Variants in MTA3 observed in about 807,000 individuals in gnomAD.
MTA3 encodes metastasis associated 1 family member 3.
MTA3 carries 34 observed loss-of-function variants against 83.5 expected under a neutral mutation model. The ratio of observed to expected loss-of-function variants is 0.41; its 90% CI spans 0.31 to 0.54. MTA3 has a LOEUF of 0.54. Ranked by LOEUF, MTA3 falls within the 20% of genes least tolerant of loss-of-function variation. MTA3 has a pLI of 0.33. For synonymous variants in MTA3, 303 were observed against 252.7 expected (o/e 1.20, Z -1.89); for missense variants, 761 against 726.4 (o/e 1.05, Z -0.55).
At chr2:42,644,338 CAA>C (rs1247633976) in intron 6 of MTA3, 94 bp downstream of exon 6, 2 of 739,094 alleles carry the variant, frequency 2.7e-6, no homozygotes, top group Non-Finnish European at 4.4e-6. Flanking sequence ...ATGTTCAGGG[CAA>C]AGTCTAAAAG....
chr2:42,581,954 G>A (rs912899134), intron 3 of MTA3: 11 of 155,336 alleles, frequency 7.1e-5, no homozygotes, highest in Non-Finnish European at 1.4e-4. Context: ...TAGTAGAGAC[G>A]GGGTAGGCTG....
chr2:42,627,725 A>ATTTTTT (rs869227831), intron 4 of MTA3, among the ~76,000 whole-genome samples: 275 of 103,052 alleles, frequency 2.7e-3, no homozygotes, highest in Middle Eastern at 6.5e-3. Flanking sequence ...GCCTGGCTAA[A>ATTTTTT]TTTTTTTTTT....
intron 2 of MTA3, among the ~76,000 whole-genome samples, chr2:42,561,027 G>T (rs1677650654): frequency 6.6e-6 from 1 of 152,082 alleles, no homozygotes; most frequent in African/African-American, 2.4e-5. Flanking sequence ...GTCCCTATGG[G>T]ATCCTGACCC....
At chr2:42,647,882 A>T (rs764353248) in intron 6 of MTA3, among the ~76,000 whole-genome samples, 1 of 152,204 alleles carries the variant, frequency 6.6e-6, no homozygotes, top group African/African-American at 2.4e-5. Context: ...CTTGTTGCCC[A>T]GGCTGGAGTG....
At chr2:42,576,866 C>T (rs934122186) in intron 2 of MTA3, among the ~76,000 whole-genome samples, 4 of 151,182 alleles carry the variant, frequency 2.6e-5, no homozygotes, top group Non-Finnish European at 5.9e-5. Context: ...CATTGCACTC[C>T]AGCCTGGGCA....
intron 9 of MTA3, 123 bp from the exon 10 acceptor site, chr2:42,695,634 CAAAAAAAA>C (rs70963347): frequency 1.1e-4 from 14 of 130,792 alleles, no homozygotes; most frequent in Admixed American, 4.6e-4. Flanking sequence ...CAGTCTATCT[CAAAAAAAA>C]AAAAAAAAAA....
chr2:42,613,701 C>G (rs1333893758), intron 4 of MTA3: 1 of 152,168 alleles, frequency 6.6e-6, no homozygotes, highest in Non-Finnish European at 1.5e-5. Context: ...CTGAGGCATT[C>G]TTGAGTTGCT....
At chr2:42,751,447 T>C (rs1669865067) in intron 16 of MTA3, among the ~76,000 whole-genome samples, 1 of 152,238 alleles carries the variant, frequency 6.6e-6, no homozygotes, top group Non-Finnish European at 1.5e-5. Flanking sequence ...GCTGAGTCTC[T>C]GTATCTGGCT....
At chr2:42,665,748 A>G (rs1419457729) in intron 8 of MTA3, among the ~76,000 whole-genome samples, 1 of 152,208 alleles carries the variant, frequency 6.6e-6, no homozygotes, top group Non-Finnish European at 1.5e-5. Flanking sequence ...TTTTTGAGTT[A>G]GTTTGGAGCC....
intron 15 of MTA3, among the ~76,000 whole-genome samples, chr2:42,721,165 T>C (rs977295845): frequency 4.6e-5 from 7 of 151,940 alleles, no homozygotes; most frequent in African/African-American, 1.5e-4. Context: ...CTAAGTGATT[T>C]GGGGAACACC....
At chr2:42,536,836 G>A (rs1676262514) in intron 2 of MTA3, among the ~76,000 whole-genome samples, 1 of 124,318 alleles carries the variant, frequency 8.0e-6, no homozygotes, top group African/African-American at 3.3e-5. Context: ...TCCAGCCTGG[G>A]CAACAGAGTG....
chr2:42,634,142 A>C (rs79832969), intron 4 of MTA3, among the ~76,000 whole-genome samples: 1,659 of 152,268 alleles, frequency 0.011, 26 homozygotes, highest in African/African-American at 0.033. Context: ...GACAGCCTCC[A>C]CAACAAAAAA....
At chr2:42,496,480 C>T (rs1224860052) in intron 2 of MTA3, among the ~76,000 whole-genome samples, 4 of 151,964 alleles carry the variant, frequency 2.6e-5, no homozygotes, top group Admixed American at 2.6e-4. Context: ...GTATTACATC[C>T]AGATTCTCTC....
rs1674216185 is a variant in MTA3, at chr2:42,497,854, C to T, written c.-141+2600C>T. Among the ~76,000 whole-genome samples the T allele has an allele frequency of 2.0e-5, 3 of 152,200 alleles. No homozygotes were observed. The South Asian group carries it at 6.2e-4, about 31-fold the overall frequency. On this transcript the variant is annotated intron_variant, in intron 2 of 17. Transcript: ENST00000405592. ...CTTCCTTTAGCCCAAATCAGCCATG[C>T]TCATTTCTCATTCCTGGGTTCTAAA... is the stretch of plus-strand genomic sequence containing the variant.
intron 2 of MTA3, among the ~76,000 whole-genome samples, chr2:42,546,466 C>T (rs780736519): frequency 6.6e-6 from 1 of 151,766 alleles, no homozygotes; most frequent in Non-Finnish European, 1.5e-5. Flanking sequence ...GGTGGTCATC[C>T]CCTGCCATCT....
chr2:42,616,535 C>G (rs1201456087), intron 4 of MTA3, among the ~76,000 whole-genome samples: 1 of 146,882 alleles, frequency 6.8e-6, no homozygotes, highest in Non-Finnish European at 1.5e-5. Context: ...AGGAAATAAG[C>G]CATTCACAGA....
At chr2:42,555,769 AAAAG>A (rs969250209) in intron 2 of MTA3, among the ~76,000 whole-genome samples, 8 of 151,450 alleles carry the variant, frequency 5.3e-5, no homozygotes, top group Non-Finnish European at 8.8e-5. Context: ...CTCCGTCTCA[AAAAG>A]AAAGAAAGAA....
At chr2:42,680,202 C>T (rs1004752913) in intron 8 of MTA3, 1 of 152,632 alleles carries the variant, frequency 6.6e-6, no homozygotes, top group Non-Finnish European at 1.5e-5. Flanking sequence ...TATTAGGTTT[C>T]TCTGGTTCTT....
chr2:42,670,780 A>T (rs1408149660), intron 8 of MTA3, among the ~76,000 whole-genome samples: 1 of 151,498 alleles, frequency 6.6e-6, no homozygotes, highest in East Asian at 1.9e-4. Context: ...TAACAGTTTG[A>T]AAGTAAAATT....
Sources: gnomAD v4.1 joint callset for allele counts (sites outside exome capture counted in the v4.1 genomes callset) on GRCh38, gnomAD v4.1.1 for gene constraint, MANE v1.5 for transcripts, NCBI Gene and HGNC (gene_info 2026-07-23, HGNC 2026-07-21) for gene names.